The following TMEFF2 variants were observed in gnomAD, a reference collection of about 807,000 sequenced individuals.
TMEFF2 encodes the protein tomoregulin-2.
Under a neutral mutation model 53.8 loss-of-function variants are expected in TMEFF2, and 28 were observed. The observed-to-expected ratio is 0.52, with a 90% CI of 0.39 to 0.71. The LOEUF (loss-of-function observed/expected upper bound fraction) is 0.71, where lower values mean the gene tolerates loss of function less well. TMEFF2 is among the 30% of genes least tolerant of loss of function. The pLI is 0.00. For synonymous variants in TMEFF2, 162 were observed against 166.3 expected, an observed-to-expected ratio of 0.97 and a Z score of 0.20; for missense variants, 353 against 455.2, an observed-to-expected ratio of 0.78 and a Z score of 2.04.
chr2:191,972,301 T>C (rs1383808813), intron 7 of TMEFF2, among the ~76,000 whole-genome samples: 1 of 145,268 alleles, frequency 6.9e-6, no homozygotes, highest in Non-Finnish European at 1.5e-5. Flanking sequence ...CCCACCATCA[T>C]GCCCAGCTTT....
intron 5 of TMEFF2, among the ~76,000 whole-genome samples, chr2:192,015,239 A>T (rs927401775): frequency 6.8e-5 from 10 of 148,034 alleles, no homozygotes; most frequent in African/African-American, 2.5e-4. Context: ...GTGACTTGTC[A>T]TTGGAATATT....
intron 4 of TMEFF2, among the ~76,000 whole-genome samples, chr2:192,066,474 T>C (rs1052847546): frequency 4.0e-5 from 6 of 151,888 alleles, no homozygotes; most frequent in African/African-American, 1.4e-4. Flanking sequence ...ACAAATGTAA[T>C]TTCATATTAA....
chr2:192,057,850 A>G (rs749439198), intron 4 of TMEFF2, 75 bp from the exon 5 acceptor site: 90 of 1,199,774 alleles, frequency 7.5e-5, no homozygotes, highest in Non-Finnish European at 9.2e-5. Context: ...CAATTCTTTA[A>G]TTAAAGCTGC....
intron 5 of TMEFF2, among the ~76,000 whole-genome samples, chr2:192,049,742 C>T (rs1287426668): frequency 1.3e-5 from 2 of 152,160 alleles, no homozygotes; most frequent in East Asian, 3.9e-4. Flanking sequence ...TGGCTTATAC[C>T]TGTAATCCCA....
rs370082592 is a variant in TMEFF2, at chr2:192,063,120, T to G, written c.440-5345A>C. On this transcript the variant is annotated intron_variant, in intron 4 of 9. Coordinates refer to ENST00000272771, the MANE Select transcript of TMEFF2 (RefSeq NM_016192.4). ...GACTTAATTTATTATTTTTCTAGTT[T>G]CTTAAAATGGAAGTAGAAATGCTTG... Among the ~76,000 whole-genome samples the G allele has an allele frequency of 8.6e-5, 13 of 151,974 alleles. No individual in the cohort carries two copies. In the East Asian group the frequency reaches 1.3e-3, roughly 16 times the overall value.
Position 192,075,308 on chromosome 2 carries a change from T to TATATATATATAAATATAA in TMEFF2, c.440-17534_440-17533insTTATATTTATATATATAT, listed in dbSNP as rs1688395596. On this transcript the variant is annotated intron_variant, in intron 4 of 9. Transcript: ENST00000272771. ...TATTATATATATATATATATATATA[T>TATATATATATAAATATAA]ATATATATATATATATATATATATA... is the stretch of plus-strand genomic sequence containing the variant. Among the ~76,000 whole-genome samples, 81 of 67,938 alleles carry TATATATATATAAATATAA rather than the reference T, an allele frequency of 1.2e-3. 1 individual carries two copies. Among genetic ancestry groups the TATATATATATAAATATAA allele is most frequent in the Non-Finnish European group, 1.9e-3 (60 of 31,974 alleles). The allele number at this position is 67,938 out of a possible 152,430, so 44.6% of individuals were successfully genotyped here.
intron 4 of TMEFF2, among the ~76,000 whole-genome samples, chr2:192,083,234 G>T (rs1403078363): frequency 1.3e-5 from 2 of 152,084 alleles, no homozygotes; most frequent in Non-Finnish European, 2.9e-5. Flanking sequence ...CTCTGCCTGT[G>T]TTCTTTTGTA....
chr2:191,970,510 C>T lies in TMEFF2; in HGVS notation c.746-14132G>A, dbSNP rs149249595. On this transcript the variant is annotated intron_variant, in intron 7 of 9. Coordinates refer to ENST00000272771, the MANE Select transcript of TMEFF2 (RefSeq NM_016192.4). ...AGACATTGGAGATGTGCCACTAAAA[C>T]CAAAACATGCAGGAGCCACCAAAAG... Among the ~76,000 whole-genome samples the T allele has an allele frequency of 5.0e-3, 757 of 152,040 alleles. 3 individuals carry two copies. Among genetic ancestry groups the T allele is most frequent in the African/African-American group, 0.018 (738 of 41,494 alleles).
chr2:192,001,049 A>G (rs912071741), intron 5 of TMEFF2, among the ~76,000 whole-genome samples: 1 of 152,172 alleles, frequency 6.6e-6, no homozygotes, highest in African/African-American at 2.4e-5. Context: ...TGGATAAGTG[A>G]CTCTGTAGGC....
intron 4 of TMEFF2, among the ~76,000 whole-genome samples, chr2:192,089,661 G>T (rs1340790329): frequency 6.6e-6 from 1 of 152,046 alleles, no homozygotes; most frequent in Non-Finnish European, 1.5e-5. Flanking sequence ...GCCACTATTT[G>T]CACTGTAGCC....
At chr2:192,043,788 T>A (rs1687545445) in intron 5 of TMEFF2, 1 of 152,206 alleles carries the variant, frequency 6.6e-6, no homozygotes, top group South Asian at 2.1e-4. Flanking sequence ...GCATTTACCT[T>A]GAAAAATATT....
At chr2:192,042,325 G>A (rs890961326) in intron 5 of TMEFF2, among the ~76,000 whole-genome samples, 7 of 152,120 alleles carry the variant, frequency 4.6e-5, no homozygotes, top group African/African-American at 1.7e-4. Flanking sequence ...TGGAAAAAAT[G>A]TGCTGGTAGG....
intron 4 of TMEFF2, among the ~76,000 whole-genome samples, chr2:192,088,198 T>C (rs1015345470): frequency 1.3e-5 from 2 of 152,084 alleles, no homozygotes; most frequent in South Asian, 4.1e-4. Context: ...AGTTATTTTT[T>C]TTTTTCTAGC....
chr2:192,027,599 C>T (rs1448969583), intron 5 of TMEFF2, among the ~76,000 whole-genome samples: 1 of 152,110 alleles, frequency 6.6e-6, no homozygotes, highest in African/African-American at 2.4e-5. Flanking sequence ...AATGCCCTAC[C>T]CTTGAGTGTG....
chr2:191,983,507 A>G (rs1231179061), intron 7 of TMEFF2, among the ~76,000 whole-genome samples: 1 of 151,998 alleles, frequency 6.6e-6, no homozygotes, highest in Non-Finnish European at 1.5e-5. Flanking sequence ...AAAGCACCAT[A>G]TGCTTTCTAC....
chr2:192,168,488 A>G (rs1690825547), intron 4 of TMEFF2, among the ~76,000 whole-genome samples: 2 of 141,682 alleles, frequency 1.4e-5, no homozygotes, highest in South Asian at 4.1e-4. Context: ...TCAATTACAA[A>G]CAAACTAGCT....
intron 4 of TMEFF2, among the ~76,000 whole-genome samples, chr2:192,088,176 C>G (rs1167863870): frequency 6.9e-6 from 1 of 145,740 alleles, no homozygotes; most frequent in African/African-American, 2.5e-5. Flanking sequence ...TTACCATAAG[C>G]TCATATCAAA....
chr2:192,025,376 G>GT (rs5837273), intron 5 of TMEFF2, among the ~76,000 whole-genome samples: 105,074 of 146,102 alleles, frequency 0.72, 39,002 homozygotes, highest in Non-Finnish European at 0.83. Context: ...TAACAGAAGG[G>GT]TTTTTTTTTT....
In TMEFF2 at chr2:192,194,088, T is replaced by C. The variant is rs960037120; in HGVS notation, c.172+265A>G. Among the ~76,000 whole-genome samples, 13 of 152,188 alleles carry C rather than the reference T, an allele frequency of 8.5e-5. No individual in the cohort carries two copies. The highest frequency in any genetic ancestry group is 1.8e-4 in the Non-Finnish European group (12 of 68,038). On this transcript the variant is annotated intron_variant, in intron 1 of 9. Transcript: ENST00000272771. The surrounding 1 kb of genome is among the most constrained non-coding windows in gnomAD (Gnocchi z 4.2). ...AGAAAACCATCCCGTTTAATATTTC[T>C]CAAAATCCTCGCAGCTCCAATGTAA...
Sources: allele counts gnomAD v4.1 joint callset (sites outside exome capture counted in the v4.1 genomes callset), GRCh38; gene constraint gnomAD v4.1.1; non-coding constraint Gnocchi (gnomAD v3.1); transcripts MANE v1.5; gene names NCBI Gene and HGNC (gene_info 2026-07-23, HGNC 2026-07-21).